The following RAPGEF2 variants were observed in gnomAD, a reference collection of about 807,000 sequenced individuals.
RAPGEF2 encodes Rap guanine nucleotide exchange factor 2.
Under a neutral mutation model 186.7 loss-of-function variants are expected in RAPGEF2, and 54 were observed. The ratio of observed to expected loss-of-function variants is 0.29; its 90% CI spans 0.23 to 0.36. The LOEUF is 0.36. Among genes scored for constraint, RAPGEF2 ranks in the 10% least tolerant of loss-of-function variants. RAPGEF2 has a pLI of 1.00. For missense variants in RAPGEF2, 1,532 were observed against 2,045.0 expected, an observed-to-expected ratio of 0.75 and a Z score of 4.84; for synonymous variants, 712 against 705.9, an observed-to-expected ratio of 1.01 and a Z score of -0.14.
chr4:159,106,564 A>T (rs1737910194), intron 1 of RAPGEF2, among the ~76,000 whole-genome samples: 1 of 152,234 alleles, frequency 6.6e-6, no homozygotes, highest in African/African-American at 2.4e-5. Flanking sequence ...AATAAGCTTG[A>T]TATCATGAAC....
intron 17 of RAPGEF2, among the ~76,000 whole-genome samples, chr4:159,334,165 G>A (rs1010559051): frequency 2.5e-4 from 38 of 152,118 alleles, no homozygotes; most frequent in African/African-American, 8.2e-4. Context: ...CAGAAAATAC[G>A]AATCAATTTT....
chr4:159,134,207 T>A (rs1357639804), intron 1 of RAPGEF2, among the ~76,000 whole-genome samples: 1 of 152,202 alleles, frequency 6.6e-6, no homozygotes, highest in African/African-American at 2.4e-5. Flanking sequence ...TTTTTAAGAA[T>A]GTCTTGTACT....
intron 1 of RAPGEF2, among the ~76,000 whole-genome samples, chr4:159,126,689 T>TC (rs1201997855): frequency 6.6e-6 from 1 of 152,184 alleles, no homozygotes; most frequent in Non-Finnish European, 1.5e-5. Flanking sequence ...CTTATCCTTT[T>TC]CCCCCTCTGC....
chr4:159,240,635 A>G (rs1753865963), intron 5 of RAPGEF2, among the ~76,000 whole-genome samples: 1 of 151,966 alleles, frequency 6.6e-6, no homozygotes, highest in South Asian at 2.1e-4. Flanking sequence ...GCCTGGCCTA[A>G]AATTTTTTTA....
rs764204022 is a variant in RAPGEF2 at position 159,186,668 on chromosome 4, A to G, written c.96A>G (p.Leu32=). The G allele has an allele frequency of 3.3e-4, 479 of 1,466,460 alleles. No individual in the cohort carries two copies. Among genetic ancestry groups the G allele is most frequent in the Non-Finnish European group, 4.3e-4 (470 of 1,096,122 alleles). 90.8% of individuals were successfully genotyped at this position (1,466,460 alleles called of 1,614,324 possible). A position where few individuals can be genotyped will look rare whatever the true frequency, so the allele number is the denominator to read the frequency against. The change falls in exon 2 of 30, where the codon TTA becomes TTG. Residue 32 remains leucine, a synonymous_variant. Transcript: ENST00000691494. ...PQDLEIVYSY[L]HGMEALSNLR... ...ATCTGGAAATAGTATATTCCTATTT[A>G]CATGGTATGGAAGCCTTATCAAACT...
Position 159,358,240 on chromosome 4 carries a change from G to A in RAPGEF2, c.*101G>A, listed in dbSNP as rs1160151101. 4 of 1,274,328 alleles carry A rather than the reference G, an allele frequency of 3.1e-6. No homozygotes were observed. The African/African-American group carries it at 4.5e-5, about 14-fold the overall frequency. The allele number at this position is 1,274,328 out of a possible 1,614,324, so 78.9% of individuals were successfully genotyped here. A position where few individuals can be genotyped will look rare whatever the true frequency, so the allele number is the denominator to read the frequency against. On this transcript the variant is annotated 3_prime_UTR_variant, in exon 30 of 30. Coordinates refer to ENST00000691494, the MANE Select transcript of RAPGEF2 (RefSeq NM_001394067.2). Reference sequence around the variant, plus strand: ...TGGAACTCACATTCTGAGGACGGTGGACCAGTTTGCCTCCTTCCCTGCCTT... The same window carrying A: ...TGGAACTCACATTCTGAGGACGGTGAACCAGTTTGCCTCCTTCCCTGCCTT...
chr4:159,267,159 A>G, intron 7 of RAPGEF2: 4 of 1,278,982 alleles, frequency 3.1e-6, no homozygotes, highest in Middle Eastern at 2.1e-4. Context: ...AGGTTAAGAG[A>G]CAGACTACAG....
chr4:159,104,507 AGAGAGAGAGAGAGAGAGAGG>A (rs950885970), intron 1 of RAPGEF2, among the ~76,000 whole-genome samples: 59 of 127,718 alleles, frequency 4.6e-4, no homozygotes, highest in African/African-American at 2.0e-3. Context: ...AGAGAGAGAG[AGAGAGAGAGAGAGAGAGAGG>A]GAGAGACAGA....
chr4:159,136,386 G>GA (rs1741726246), intron 1 of RAPGEF2, among the ~76,000 whole-genome samples: 1 of 152,164 alleles, frequency 6.6e-6, no homozygotes, highest in Non-Finnish European at 1.5e-5. Flanking sequence ...ACTTCAGGAA[G>GA]ACCAGGTTTG....
intron 7 of RAPGEF2, among the ~76,000 whole-genome samples, chr4:159,275,289 A>T (rs1204144771): frequency 6.6e-6 from 1 of 152,186 alleles, no homozygotes; most frequent in Non-Finnish European, 1.5e-5. Context: ...TATTCATCAT[A>T]AAGGCTGTTT....
chr4:159,350,116 G>GTTT, intron 25 of RAPGEF2, 21 bp from the exon 26 acceptor site: 5 of 1,268,896 alleles, frequency 3.9e-6, no homozygotes, highest in South Asian at 3.4e-5. Flanking sequence ...CATATTTAAG[G>GTTT]TTTTTTTTTT....
At position 159,314,725 on chromosome 4, in the gene RAPGEF2, C is replaced by G. The variant is rs533789827; in HGVS notation, c.810C>G (p.Asp270Glu). Residue 270 changes from aspartate to glutamate, a missense_variant, in exon 9 of 30, where the codon GAC becomes GAG. Physicochemically the swap from Asp to Glu is conservative, Grantham distance 45. Coordinates refer to ENST00000691494, the MANE Select transcript of RAPGEF2 (RefSeq NM_001394067.2). ...TGATGAGCAGGGACATTGTGAGAGA[C>G]TGCCTAGAGAAGGACCCAATTGACC... ...DPLMSRDIVR[D>E]CLEKDPIDRT... The G allele has an allele frequency of 6.2e-7, 1 of 1,613,598 alleles. No individual in the cohort carries two copies. Among genetic ancestry groups the G allele is most frequent in the South Asian group, 1.1e-5 (1 of 91,014 alleles).
intron 7 of RAPGEF2, among the ~76,000 whole-genome samples, chr4:159,285,086 T>C (rs781464849): frequency 6.6e-6 from 1 of 152,138 alleles, no homozygotes; most frequent in African/African-American, 2.4e-5. Context: ...TGACTGGAGA[T>C]TTTTTCCACC....
At chr4:159,223,910 T>G (rs1286237051) in intron 4 of RAPGEF2, among the ~76,000 whole-genome samples, 1 of 152,174 alleles carries the variant, frequency 6.6e-6, no homozygotes, top group Non-Finnish European at 1.5e-5. Context: ...GAACTTTTTT[T>G]TTTTTTGAGA....
At chr4:159,252,760 C>T (rs921825684) in intron 7 of RAPGEF2, among the ~76,000 whole-genome samples, 7 of 152,172 alleles carry the variant, frequency 4.6e-5, no homozygotes, top group Non-Finnish European at 7.3e-5. Context: ...CGATTGTTTT[C>T]TAGTTGCAGC....
At chr4:159,245,000 A>G (rs1754453123) in intron 7 of RAPGEF2, among the ~76,000 whole-genome samples, 1 of 152,028 alleles carries the variant, frequency 6.6e-6, no homozygotes. Flanking sequence ...CTTAAAATAT[A>G]TATAACATGA....
In RAPGEF2 at chr4:159,350,327, C is replaced by G. The variant is rs1450951485; in HGVS notation, c.3865+38C>G. On this transcript the variant is annotated intron_variant, in intron 26 of 29. Transcript: ENST00000691494. ...TACTTTTTGTTTTCTTGTATTGAAACCTATACATTTTGGCTATAATAAATT... is the reference window on the plus strand; with the variant it reads ...TACTTTTTGTTTTCTTGTATTGAAAGCTATACATTTTGGCTATAATAAATT... 4 of 1,449,710 alleles carry G rather than the reference C, an allele frequency of 2.8e-6. No homozygotes were observed. The African/African-American group carries it at 5.8e-5, about 21-fold the overall frequency. 89.8% of individuals were successfully genotyped at this position (1,449,710 alleles called of 1,614,324 possible). A position where few individuals can be genotyped will look rare whatever the true frequency, so the allele number is the denominator to read the frequency against.
chr4:159,198,290 CTTTCTTTCTTTCTTTCTTTCTT>C lies in RAPGEF2; in HGVS notation c.197+5036_197+5057del, dbSNP rs1227966214. 1.2e-4 allele frequency among the ~76,000 whole-genome samples: 5 copies of C among 42,728 alleles called. No individual in the cohort carries two copies. In the South Asian group the frequency reaches 2.6e-3, roughly 22 times the overall value. The allele number at this position is 42,728 out of a possible 152,430, so 28.0% of individuals were successfully genotyped here. A position where few individuals can be genotyped will look rare whatever the true frequency, so the allele number is the denominator to read the frequency against. On this transcript the variant is annotated intron_variant, in intron 3 of 29. Coordinates refer to ENST00000691494, the MANE Select transcript of RAPGEF2 (RefSeq NM_001394067.2). The stretch of plus-strand genomic sequence containing the variant: ...TCTTTCCTTCTTTCTTTCTTTCTTT[CTTTCTTTCTTTCTTTCTTTCTT>C]TCTTTCTTTCTTTCTTTCTTTCTTT...
At chr4:159,182,436 C>A (rs1579394668) in intron 1 of RAPGEF2, among the ~76,000 whole-genome samples, 1 of 129,676 alleles carries the variant, frequency 7.7e-6, no homozygotes, top group African/African-American at 2.9e-5. Flanking sequence ...CACTCTGTTG[C>A]CCAGGCAGGA....
Sources: allele counts gnomAD v4.1 joint callset (sites outside exome capture counted in the v4.1 genomes callset), GRCh38; gene constraint gnomAD v4.1.1; transcripts MANE v1.5; gene names NCBI Gene and HGNC (gene_info 2026-07-23, HGNC 2026-07-21).